The following AP3B1 variants were observed in gnomAD, a reference collection of about 807,000 sequenced individuals.
AP3B1 encodes the protein adaptor related protein complex 3 subunit beta 1.
In AP3B1, 61 loss-of-function variants were observed where a neutral mutation model predicts 132.5. The ratio of observed to expected loss-of-function variants is 0.46; its 90% CI spans 0.37 to 0.57. The LOEUF is 0.57. Among genes scored for constraint, AP3B1 ranks in the 20% least tolerant of loss-of-function variants. AP3B1 has a pLI of 0.00. For synonymous variants in AP3B1, 388 were observed against 438.3 expected (o/e 0.89, Z 1.43); for missense variants, 1,120 against 1,289.4 (o/e 0.87, Z 2.01).
intron 2 of AP3B1, among the ~76,000 whole-genome samples, chr5:78,265,906 G>A (rs1748302576): frequency 6.6e-6 from 1 of 152,034 alleles, no homozygotes; most frequent in South Asian, 2.1e-4. Flanking sequence ...TTTTCACTTT[G>A]TTGGGCAAAT....
chr5:78,167,538 C>T (rs143566880), intron 11 of AP3B1, among the ~76,000 whole-genome samples: 3,679 of 152,196 alleles, frequency 0.024, 162 homozygotes, highest in African/African-American at 0.081. Context: ...TACTTGCACA[C>T]ACGTTTATAG....
chr5:78,112,773 T>C (rs1751652839), intron 19 of AP3B1, among the ~76,000 whole-genome samples: 1 of 152,230 alleles, frequency 6.6e-6, no homozygotes, highest in Non-Finnish European at 1.5e-5. Context: ...CACTCAATTT[T>C]GATGGTAATT....
chr5:78,053,730 T>A (rs1287581182), intron 22 of AP3B1, among the ~76,000 whole-genome samples: 1 of 147,854 alleles, frequency 6.8e-6, no homozygotes, highest in South Asian at 2.2e-4. Context: ...CAGGTAACCA[T>A]AACAATTTGG....
intron 17 of AP3B1, among the ~76,000 whole-genome samples, chr5:78,127,311 C>G (rs1202841540): frequency 6.6e-6 from 1 of 152,026 alleles, no homozygotes; most frequent in Non-Finnish European, 1.5e-5. Flanking sequence ...TTTTTGTTAA[C>G]TCCACATTTT....
At chr5:78,234,692 T>G (rs1746797627) in intron 3 of AP3B1, among the ~76,000 whole-genome samples, 1 of 152,226 alleles carries the variant, frequency 6.6e-6, no homozygotes, top group Non-Finnish European at 1.5e-5. Flanking sequence ...AACCATTTCT[T>G]ATTCATCTGT....
intron 1 of AP3B1, among the ~76,000 whole-genome samples, chr5:78,280,468 G>A (rs1198260443): frequency 6.6e-6 from 1 of 152,104 alleles, no homozygotes; most frequent in Non-Finnish European, 1.5e-5. Flanking sequence ...ACTGCTATTG[G>A]CATGCCACAG....
chr5:78,018,408 CTT>C (rs1015148502), intron 25 of AP3B1, among the ~76,000 whole-genome samples: 4 of 151,804 alleles, frequency 2.6e-5, no homozygotes, highest in African/African-American at 9.7e-5. Context: ...AGAAATAAAA[CTT>C]TTGTTTTAAA....
Position 78,141,184 on chromosome 5 carries a change from A to G in AP3B1, c.1609T>C (p.Leu537=), listed in dbSNP as rs763745893. 6.2e-7 allele frequency: 1 copy of G among 1,613,820 alleles called. No individual in the cohort carries two copies. Among genetic ancestry groups the G allele is most frequent in the Non-Finnish European group, 8.5e-7 (1 of 1,179,762 alleles). Residue 537 remains leucine (L), a synonymous_variant, in exon 15 of 27, where the codon TTA becomes CTA. Coordinates refer to ENST00000255194, the MANE Select transcript of AP3B1 (RefSeq NM_003664.5). ...AAATACAATTTTGCTCCCAGATTTA[A>G]TATCTGCAGTTTTACCAGATCATCT... is the stretch of plus-strand genomic sequence containing the variant. ...SEDDLVKLQI[L]NLGAKLYLTN... is the part of the protein sequence containing the mutation.
At chr5:78,070,560 G>A (rs920425761) in intron 22 of AP3B1, among the ~76,000 whole-genome samples, 1 of 151,996 alleles carries the variant, frequency 6.6e-6, no homozygotes, top group African/African-American at 2.4e-5. Context: ...ATTGACAAAT[G>A]GGATTTAATT....
intron 24 of AP3B1, among the ~76,000 whole-genome samples, chr5:78,022,661 C>T (rs1435956520): frequency 6.6e-6 from 1 of 152,096 alleles, no homozygotes; most frequent in Non-Finnish European, 1.5e-5. Flanking sequence ...CAATGGGAAA[C>T]TACTAGAGAT....
At chr5:78,177,470 G>C (rs1404012921) in intron 8 of AP3B1, 34 bp from the exon 9 acceptor site, 2 of 1,449,202 alleles carry the variant, frequency 1.4e-6, no homozygotes, top group African/African-American at 2.8e-5. Context: ...ACAGAACTAT[G>C]AACACTAGAG....
chr5:78,241,452 C>T (rs1347599234), intron 2 of AP3B1, among the ~76,000 whole-genome samples: 1 of 152,076 alleles, frequency 6.6e-6, no homozygotes, highest in Non-Finnish European at 1.5e-5. Context: ...TTGCTATTTT[C>T]TATTTTCCAG....
intron 3 of AP3B1, among the ~76,000 whole-genome samples, chr5:78,233,138 A>AT (rs1034347262): frequency 6.6e-6 from 1 of 151,634 alleles, no homozygotes; most frequent in African/African-American, 2.4e-5. Context: ...TATTTATAGT[A>AT]TTTTTTCTGA....
At chr5:78,106,909 T>C (rs747511138) in intron 20 of AP3B1, among the ~76,000 whole-genome samples, 1 of 152,062 alleles carries the variant, frequency 6.6e-6, no homozygotes, top group Non-Finnish European at 1.5e-5. Context: ...GTCTAAAAAT[T>C]TGGTATGAAT....
intron 22 of AP3B1, chr5:78,087,504 A>G (rs771020426): frequency 9.8e-5 from 96 of 977,648 alleles, no homozygotes; most frequent in Non-Finnish European, 1.1e-4. Context: ...ATTCCTGTCC[A>G]TATTTTATTG....
chr5:78,080,991 C>T (rs1749976522), intron 22 of AP3B1, among the ~76,000 whole-genome samples: 1 of 152,104 alleles, frequency 6.6e-6, no homozygotes, highest in Non-Finnish European at 1.5e-5. Context: ...TAAAGGATAG[C>T]TTGATCATTT....
chr5:78,248,721 CG>C (rs1747491205), intron 2 of AP3B1, among the ~76,000 whole-genome samples: 1 of 152,066 alleles, frequency 6.6e-6, no homozygotes, highest in African/African-American at 2.4e-5. Flanking sequence ...GCCTACACAA[CG>C]TCTATTAACA....
intron 2 of AP3B1, among the ~76,000 whole-genome samples, chr5:78,253,165 T>C (rs562488707): frequency 1.3e-5 from 2 of 152,366 alleles, no homozygotes; most frequent in African/African-American, 4.8e-5. Flanking sequence ...ACCACAGTGT[T>C]ACTGAGCTTG....
intron 3 of AP3B1, among the ~76,000 whole-genome samples, chr5:78,239,610 C>CAA (rs70997975): frequency 9.5e-5 from 14 of 147,182 alleles, no homozygotes; most frequent in East Asian, 7.9e-4. Context: ...CCTGTCTCTA[C>CAA]AAAAAAAAAA....
Sources: gnomAD v4.1 joint callset for allele counts (sites outside exome capture counted in the v4.1 genomes callset) on GRCh38, gnomAD v4.1.1 for gene constraint, MANE v1.5 for transcripts, NCBI Gene and HGNC (gene_info 2026-07-23, HGNC 2026-07-21) for gene names.